The following USH2A variants were observed in gnomAD, a reference collection of about 807,000 sequenced individuals.
USH2A encodes usherin, also known as Usher syndrome 2A (autosomal recessive, mild).
A neutral mutation model predicts 538.9 loss-of-function variants in USH2A; 443 were observed. The ratio of observed to expected loss-of-function variants is 0.82; its 90% confidence interval spans 0.76 to 0.89. USH2A has a LOEUF of 0.89. USH2A is among the 40% of genes least tolerant of loss of function. The probability of loss-of-function intolerance (pLI) is 0.00; values close to 1 mark genes in which losing one functional copy is unlikely to be tolerated. For missense variants in USH2A, 6,633 were observed against 6,324.8 expected (o/e 1.05, Z -1.65); for synonymous variants, 2,413 against 2,273.5 (o/e 1.06, Z -1.75).
At chr1:215,762,614 A>T (rs567619968) in intron 56 of USH2A, among the ~76,000 whole-genome samples, 121 of 152,312 alleles carry the variant, frequency 7.9e-4, no homozygotes, top group African/African-American at 2.9e-3. Context: ...GGACATCGTT[A>T]TCTTGGCAGC....
intron 13 of USH2A, among the ~76,000 whole-genome samples, chr1:216,242,115 G>C (rs2035949994): frequency 6.6e-6 from 1 of 151,554 alleles, no homozygotes; most frequent in African/African-American, 2.4e-5. Flanking sequence ...ACTTTGGGAG[G>C]CCTAGGCAGG....
In USH2A at chr1:215,728,375, A is replaced by C; in HGVS notation, c.11721T>G (p.Ala3907=). 1.2e-6 allele frequency: 2 copies of C among 1,614,100 alleles called. No homozygotes were observed. The highest frequency in any genetic ancestry group is 1.7e-6 in the Non-Finnish European group (2 of 1,180,016). Reference sequence around the variant, plus strand: ...ATAAAACAGACTCCTCTTCAATGCCAGCAGGGCGTCTGAAAGGAAACCAAG... The same window carrying C: ...ATAAAACAGACTCCTCTTCAATGCCCGCAGGGCGTCTGAAAGGAAACCAAG... ...IINYFIYRRP[A]GIEEESVLFV... The change falls in exon 61 of 72, where the codon GCT becomes GCG. Residue 3907 remains alanine, a synonymous_variant. Transcript: ENST00000307340.
intron 12 of USH2A, among the ~76,000 whole-genome samples, chr1:216,247,669 C>G (rs1339379081): frequency 6.6e-6 from 1 of 152,070 alleles, no homozygotes; most frequent in Non-Finnish European, 1.5e-5. Flanking sequence ...TTCAGCTAGA[C>G]AGAATGAATA....
chr1:216,093,652 C>T (rs1036047619), intron 22 of USH2A, among the ~76,000 whole-genome samples: 1 of 152,172 alleles, frequency 6.6e-6, no homozygotes, highest in African/African-American at 2.4e-5. Context: ...AGATGGCAGT[C>T]ATGCTTCAGA....
chr1:215,796,826 AG>A (rs1448743804), intron 50 of USH2A, among the ~76,000 whole-genome samples: 2 of 151,528 alleles, frequency 1.3e-5, no homozygotes, highest in Non-Finnish European at 2.9e-5. Flanking sequence ...ATGCATGCAA[AG>A]GAACAGTTCT....
chr1:215,730,407 A>G (rs1039994323), intron 60 of USH2A, among the ~76,000 whole-genome samples: 6 of 152,228 alleles, frequency 3.9e-5, no homozygotes, highest in Non-Finnish European at 8.8e-5. Context: ...CTATCAGGGC[A>G]GTATTCCAGG....
At position 216,368,859 on chromosome 1, in the gene USH2A, A is replaced by T. The variant is rs185509548; in HGVS notation, c.652-3774T>A. ...ACTTGCTTTCCCAGAACCAACTTAG[A>T]AGCTTCCCAGGAAGAGCAGTTTTAT... On this transcript the variant is annotated intron_variant, in intron 3 of 71. Transcript: ENST00000307340. Among the ~76,000 whole-genome samples, 603 of 152,272 alleles carry T rather than the reference A, an allele frequency of 4.0e-3. 4 individuals carry two copies. Among genetic ancestry groups the T allele is most frequent in the Non-Finnish European group, 5.1e-3 (349 of 68,016 alleles).
At chr1:216,208,605 T>C (rs934622415) in intron 15 of USH2A, among the ~76,000 whole-genome samples, 1 of 152,130 alleles carries the variant, frequency 6.6e-6, no homozygotes, top group African/African-American at 2.4e-5. Flanking sequence ...ACTGCAGAGC[T>C]CTTTTGCTAT....
intron 61 of USH2A, among the ~76,000 whole-genome samples, chr1:215,699,501 G>T (rs774864388): frequency 6.6e-6 from 1 of 152,152 alleles, no homozygotes; most frequent in Non-Finnish European, 1.5e-5. Flanking sequence ...TCCTTGTGCA[G>T]TGGTTTGTAG....
At chr1:216,354,775 A>C (rs1324549287) in intron 4 of USH2A, among the ~76,000 whole-genome samples, 2 of 152,108 alleles carry the variant, frequency 1.3e-5, no homozygotes, top group Non-Finnish European at 2.9e-5. Context: ...GTGCTCTAAC[A>C]TCAATCTAAC....
Position 215,623,139 on chromosome 1 carries a change from C to CATT in USH2A, c.*2639_*2641dup, listed in dbSNP as rs1454397382. 1.3e-5 allele frequency: 2 copies of CATT among 152,022 alleles called. No individual in the cohort carries two copies. The highest frequency in any genetic ancestry group is 4.8e-5 in the African/African-American group (2 of 41,406). The allele number at this position is 152,022 out of a possible 1,614,324, so 9.4% of individuals were successfully genotyped here. On this transcript the variant is annotated 3_prime_UTR_variant, in exon 72 of 72. Transcript: ENST00000307340. ...TGGAAATTACAGTAGATTATAAACA[C>CATT]ATTTCTTAGAGTGTATAAAAACAAC...
chr1:215,625,938 T>A, intron 71 of USH2A, 68 bp from the exon 72 acceptor site: 2 of 1,435,000 alleles, frequency 1.4e-6, no homozygotes, highest in Non-Finnish European at 2.0e-6. Flanking sequence ...CAATTTATAG[T>A]TATATCAATT....
chr1:216,326,462 T>C (rs1287304038), intron 5 of USH2A, among the ~76,000 whole-genome samples: 1 of 152,186 alleles, frequency 6.6e-6, no homozygotes, highest in Non-Finnish European at 1.5e-5. Context: ...TCTTTTCAAC[T>C]GATACCAAGT....
At chr1:216,231,122 C>T (rs1254983808) in intron 14 of USH2A, among the ~76,000 whole-genome samples, 1 of 148,038 alleles carries the variant, frequency 6.8e-6, no homozygotes, top group East Asian at 2.0e-4. Flanking sequence ...TCTCATCTGC[C>T]AGTCTTTAAA....
intron 3 of USH2A, among the ~76,000 whole-genome samples, chr1:216,376,636 A>G (rs1052256076): frequency 1.3e-5 from 2 of 152,206 alleles, no homozygotes; most frequent in Non-Finnish European, 2.9e-5. Flanking sequence ...TTATGCCTGA[A>G]GGAAAATAAT....
chr1:216,186,936 TA>T (rs948719596), intron 20 of USH2A, among the ~76,000 whole-genome samples: 8 of 151,950 alleles, frequency 5.3e-5, no homozygotes, highest in African/African-American at 1.9e-4. Flanking sequence ...ATTGCCTTTT[TA>T]AAAAAGTCTA....
intron 47 of USH2A, among the ~76,000 whole-genome samples, chr1:215,825,372 G>A (rs767178765): frequency 2.6e-5 from 4 of 152,016 alleles, no homozygotes; most frequent in Non-Finnish European, 5.9e-5. Flanking sequence ...GTTGTCCCTT[G>A]AAGTACAAAA....
intron 49 of USH2A, among the ~76,000 whole-genome samples, chr1:215,802,017 G>A (rs77383988): frequency 0.04 from 5,121 of 127,872 alleles, 91 homozygotes; most frequent in African/African-American, 0.055. Context: ...ATTTAATGAG[G>A]AAAGGACCTT....
rs191987255 is a variant in USH2A, at chr1:216,252,971, C to T, written c.1972-1873G>A. ...TTTGCTGGTACTTTACAGGATCAGT[C>T]CTGTTCTCCAAAGAGATAGTAAACA... On this transcript the variant is annotated intron_variant, in intron 11 of 71. Coordinates refer to ENST00000307340, the MANE Select transcript of USH2A (RefSeq NM_206933.4). 3.9e-4 allele frequency among the ~76,000 whole-genome samples: 59 copies of T among 152,256 alleles called. 1 individual carries two copies. The highest frequency in any genetic ancestry group is 7.4e-5 in the Non-Finnish European group (5 of 68,020).
Sources: allele counts gnomAD v4.1 joint callset (sites outside exome capture counted in the v4.1 genomes callset), GRCh38; gene constraint gnomAD v4.1.1; transcripts MANE v1.5; gene names NCBI Gene and HGNC (gene_info 2026-07-23, HGNC 2026-07-21).